RANBP2: variants seen among roughly 807,000 people sequenced by gnomAD.
The protein encoded by RANBP2 is RAN binding protein 2.
In RANBP2, 57 loss-of-function variants were observed where a neutral mutation model predicts 303.6. The ratio of observed to expected loss-of-function variants is 0.19; its 90% CI spans 0.15 to 0.23. RANBP2 has a LOEUF of 0.23. RANBP2 is among the 10% of genes least tolerant of loss of function. The probability of loss-of-function intolerance (pLI) is 1.00; values close to 1 mark genes in which losing one functional copy is unlikely to be tolerated. For missense variants in RANBP2, 3,138 were observed against 3,780.8 expected (o/e 0.83, Z 4.46); for synonymous variants, 1,167 against 1,301.5 (o/e 0.90, Z 2.23).
chr2:109,030,244 C>CA, the RANBP2 span, among the ~76,000 whole-genome samples: 2 of 152,226 alleles, frequency 1.3e-5, no homozygotes, highest in African/African-American at 4.8e-5. Flanking sequence ...GCACTCTCCC[C>CA]AGCAGGCCAT....
At chr2:109,319,425 T>C in the RANBP2 span, among the ~76,000 whole-genome samples, 1 of 152,240 alleles carries the variant, frequency 6.6e-6, no homozygotes, top group East Asian at 1.9e-4. Context: ...CTTTTCAGCC[T>C]GCTGGGCTGA....
At chr2:108,858,058 A>G in the RANBP2 span, among the ~76,000 whole-genome samples, 27 of 152,316 alleles carry the variant, frequency 1.8e-4, no homozygotes, top group East Asian at 5.2e-3. Flanking sequence ...TTACTCTCAA[A>G]TTCAGCCAGG....
the RANBP2 span, among the ~76,000 whole-genome samples, chr2:109,520,281 G>A: frequency 1.6e-4 from 25 of 152,240 alleles, no homozygotes; most frequent in Non-Finnish European, 2.9e-4. Context: ...GATAATAAAG[G>A]TGGGTGGGAA....
chr2:109,045,714 T>C, the RANBP2 span, among the ~76,000 whole-genome samples: 2 of 152,024 alleles, frequency 1.3e-5, no homozygotes, highest in African/African-American at 4.8e-5. Context: ...CCTGTGTGTG[T>C]TTACTTTTAA....
At chr2:108,750,963 TC>T (rs1558901181) in intron 9 of RANBP2, among the ~76,000 whole-genome samples, 1 of 152,220 alleles carries the variant, frequency 6.6e-6, no homozygotes, top group Admixed American at 6.5e-5. Flanking sequence ...GGTTAGGTGT[TC>T]TTTATTTGGC....
At chr2:108,723,633 T>G (rs1047867617) in intron 1 of RANBP2, among the ~76,000 whole-genome samples, 12 of 152,196 alleles carry the variant, frequency 7.9e-5, no homozygotes, top group African/African-American at 2.7e-4. Flanking sequence ...TCAGACACTT[T>G]GGTTTGCCCC....
chr2:109,614,130 G>T, the RANBP2 span: 1 of 1,205,644 alleles, frequency 8.3e-7, no homozygotes, highest in Non-Finnish European at 1.0e-6. Context: ...GGAGAGCTGG[G>T]ACTCCAGGAA....
the RANBP2 span, among the ~76,000 whole-genome samples, chr2:109,048,522 T>A: frequency 2.6e-5 from 4 of 152,322 alleles, no homozygotes; most frequent in East Asian, 7.7e-4. Flanking sequence ...CAATATCTCC[T>A]GTACTGAGTC....
At chr2:109,101,792 A>C in the RANBP2 span, among the ~76,000 whole-genome samples, 1 of 152,208 alleles carries the variant, frequency 6.6e-6, no homozygotes, top group Non-Finnish European at 1.5e-5. Flanking sequence ...GGGGTGATGC[A>C]GAGGATGGAG....
At chr2:108,975,178 G>T in the RANBP2 span, among the ~76,000 whole-genome samples, 3 of 152,206 alleles carry the variant, frequency 2.0e-5, no homozygotes, top group African/African-American at 7.2e-5. Flanking sequence ...AGCACTCCAG[G>T]AGCTGCAGTC....
chr2:108,720,394 G>C (rs1251927606), intron 1 of RANBP2, among the ~76,000 whole-genome samples: 1 of 151,304 alleles, frequency 6.6e-6, no homozygotes, highest in Admixed American at 6.6e-5. Flanking sequence ...CAAATCGTTA[G>C]TATGGCTTGC....
chr2:109,146,020 T>TGTGTGGGCCGACGGAGTCC, the RANBP2 span, among the ~76,000 whole-genome samples: 29 of 144,438 alleles, frequency 2.0e-4, no homozygotes, highest in African/African-American at 8.4e-4. Flanking sequence ...TGTCCTTGTC[T>TGTGTGGGCCGACGGAGTCC]ATGTGGGCCG....
the RANBP2 span, among the ~76,000 whole-genome samples, chr2:109,210,784 A>G: frequency 6.6e-6 from 1 of 152,242 alleles, no homozygotes; most frequent in Non-Finnish European, 1.5e-5. Flanking sequence ...TTCTCTGGCA[A>G]GCACGACCTA....
chr2:109,249,345 C>T, the RANBP2 span, among the ~76,000 whole-genome samples: 1 of 152,152 alleles, frequency 6.6e-6, no homozygotes, highest in Admixed American at 6.5e-5. Flanking sequence ...TGCAAAAAAT[C>T]CCCGAGCAAG....
At chr2:109,181,959 A>G in the RANBP2 span, among the ~76,000 whole-genome samples, 2 of 152,200 alleles carry the variant, frequency 1.3e-5, no homozygotes, top group African/African-American at 2.4e-5. Flanking sequence ...TGAGCAACCA[A>G]AGGCCAGTTT....
chr2:108,791,856 TA>T, the RANBP2 span: 1 of 1,491,240 alleles, frequency 6.7e-7, no homozygotes. Context: ...TCAAGTAGAG[TA>T]AATGAAGCTT....
the RANBP2 span, among the ~76,000 whole-genome samples, chr2:109,269,542 A>G: frequency 2.0e-5 from 3 of 152,210 alleles, no homozygotes; most frequent in African/African-American, 7.2e-5. Flanking sequence ...GCACTTTGGG[A>G]GGCCAAGTCT....
At chr2:108,746,076 A>T (rs1387182227) in intron 7 of RANBP2, among the ~76,000 whole-genome samples, 1 of 150,380 alleles carries the variant, frequency 6.6e-6, no homozygotes, top group Non-Finnish European at 1.5e-5. Flanking sequence ...CTGGCTAATT[A>T]AAAAAAACAT....
At chr2:109,663,675 G>A in the RANBP2 span, among the ~76,000 whole-genome samples, 1 of 152,340 alleles carries the variant, frequency 6.6e-6, no homozygotes, top group African/African-American at 2.4e-5. Flanking sequence ...AATGTCTGCA[G>A]AAATTGCAGA....
Sources: allele counts gnomAD v4.1 joint callset (sites outside exome capture counted in the v4.1 genomes callset), GRCh38; gene constraint gnomAD v4.1.1; transcripts MANE v1.5; gene names NCBI Gene and HGNC (gene_info 2026-07-23, HGNC 2026-07-21).